The following CAMK2D variants were observed in gnomAD, a reference collection of about 807,000 sequenced individuals.
The protein encoded by CAMK2D is calcium/calmodulin dependent protein kinase II delta, also known as calcium/calmodulin-dependent protein kinase type II subunit delta.
A neutral mutation model predicts 84.0 loss-of-function variants in CAMK2D; 37 were observed. That is an observed-to-expected ratio of 0.44 (90% confidence interval 0.34 to 0.58). CAMK2D has a LOEUF of 0.58. CAMK2D is among the 20% of genes least tolerant of loss of function. The pLI is 0.02. For synonymous variants in CAMK2D, 202 were observed against 212.5 expected, an observed-to-expected ratio of 0.95 and a Z score of 0.43; for missense variants, 448 against 652.5, an observed-to-expected ratio of 0.69 and a Z score of 3.41.
intron 4 of CAMK2D, among the ~76,000 whole-genome samples, chr4:113,556,000 C>T (rs552634116): frequency 4.1e-4 from 62 of 152,230 alleles, no homozygotes; most frequent in Admixed American, 5.2e-4. Flanking sequence ...AACCAGACCA[C>T]GCTGGCACGC....
At chr4:113,648,589 G>C (rs550702057) in intron 3 of CAMK2D, among the ~76,000 whole-genome samples, 1 of 152,366 alleles carries the variant, frequency 6.6e-6, no homozygotes, top group South Asian at 2.1e-4. Context: ...CTTTACTTTA[G>C]TGGACAGAAT....
intron 14 of CAMK2D, chr4:113,503,185 A>G (rs776430841): frequency 2.6e-5 from 19 of 727,900 alleles, no homozygotes; most frequent in Non-Finnish European, 4.5e-5. Context: ...CTCCCTACCC[A>G]GAAGCAGCAT....
intron 4 of CAMK2D, among the ~76,000 whole-genome samples, chr4:113,606,239 G>A (rs1241299764): frequency 2.0e-5 from 3 of 152,114 alleles, no homozygotes; most frequent in African/African-American, 7.2e-5. Context: ...GGGAGGCAGA[G>A]GCAGGCAGAT....
intron 2 of CAMK2D, among the ~76,000 whole-genome samples, chr4:113,724,516 C>T (rs2148672835): frequency 6.6e-6 from 1 of 151,712 alleles, no homozygotes; most frequent in South Asian, 2.1e-4. Flanking sequence ...CGAGCATTTA[C>T]TGCCAGCCAG....
intron 3 of CAMK2D, among the ~76,000 whole-genome samples, chr4:113,622,644 G>A (rs897714738): frequency 1.3e-5 from 2 of 152,138 alleles, no homozygotes; most frequent in African/African-American, 4.8e-5. Flanking sequence ...CATGCCTTTG[G>A]TTTCAGCTAC....
intron 17 of CAMK2D, among the ~76,000 whole-genome samples, chr4:113,463,408 C>T (rs1178503216): frequency 1.3e-5 from 2 of 152,050 alleles, no homozygotes; most frequent in African/African-American, 4.8e-5. Flanking sequence ...AAGAGTTTCA[C>T]TCTTGTTGCC....
At chr4:113,663,425 A>G (rs1173460053) in intron 2 of CAMK2D, among the ~76,000 whole-genome samples, 1 of 151,692 alleles carries the variant, frequency 6.6e-6, no homozygotes, top group Non-Finnish European at 1.5e-5. Flanking sequence ...ATCTCTACCA[A>G]AAAAAACACA....
chr4:113,607,314 A>G lies in CAMK2D; in HGVS notation c.275+1838T>C, dbSNP rs999937110. On this transcript the variant is annotated intron_variant, in intron 4 of 20. Coordinates refer to ENST00000511664, the MANE Select transcript of CAMK2D (RefSeq NM_001321571.2). ...ACATGGATGAACTGGGACTGTGGAG[A>G]GGAGCCTGTGCAGTAGGATTGTGCA... 2.0e-5 allele frequency among the ~76,000 whole-genome samples: 3 copies of G among 152,186 alleles called. 1 individual carries two copies. The East Asian group carries it at 5.8e-4, about 29-fold the overall frequency.
intron 13 of CAMK2D, among the ~76,000 whole-genome samples, chr4:113,505,273 A>G (rs1387439187): frequency 6.6e-6 from 1 of 152,210 alleles, no homozygotes; most frequent in African/African-American, 2.4e-5. Flanking sequence ...TGCTGTTGCT[A>G]TGCCACCTTA....
intron 2 of CAMK2D, chr4:113,677,554 G>A (rs2099323636): frequency 1.0e-6 from 1 of 981,806 alleles, no homozygotes; most frequent in South Asian, 4.7e-5. Context: ...CAGACATGAG[G>A]ATAATCTGTC....
At chr4:113,656,733 T>G (rs7691921) in intron 3 of CAMK2D, among the ~76,000 whole-genome samples, 2 of 152,038 alleles carry the variant, frequency 1.3e-5, no homozygotes, top group African/African-American at 4.8e-5. Flanking sequence ...CTCTTTTCTC[T>G]TTTTCATGAT....
intron 2 of CAMK2D, among the ~76,000 whole-genome samples, chr4:113,684,916 A>ACAGGC (rs1231875920): frequency 6.6e-6 from 1 of 152,218 alleles, no homozygotes; most frequent in African/African-American, 2.4e-5. Flanking sequence ...GAGGCAGTGC[A>ACAGGC]TTCCCTGAGG....
At chr4:113,586,614 G>A (rs1184467794) in intron 4 of CAMK2D, among the ~76,000 whole-genome samples, 3 of 152,152 alleles carry the variant, frequency 2.0e-5, no homozygotes, top group Non-Finnish European at 4.4e-5. Context: ...GAACAACCTA[G>A]GTTGTGAGGC....
chr4:113,576,865 C>T (rs906814820), intron 4 of CAMK2D, among the ~76,000 whole-genome samples: 4 of 152,086 alleles, frequency 2.6e-5, no homozygotes, highest in African/African-American at 9.7e-5. Context: ...TAATTCCCCT[C>T]CCTCATTTCC....
At chr4:113,495,101 C>T (rs2097910672) in intron 16 of CAMK2D, among the ~76,000 whole-genome samples, 1 of 152,208 alleles carries the variant, frequency 6.6e-6, no homozygotes, top group African/African-American at 2.4e-5. Flanking sequence ...CACCCGTCTT[C>T]TGCGTCGCTC....
chr4:113,680,676 A>C (rs1460484373), intron 2 of CAMK2D, among the ~76,000 whole-genome samples: 26 of 152,218 alleles, frequency 1.7e-4, no homozygotes, highest in Non-Finnish European at 4.4e-5. Context: ...AGATGAGGAC[A>C]CTGAGGCACA....
At chr4:113,623,986 A>G (rs1035205465) in intron 3 of CAMK2D, among the ~76,000 whole-genome samples, 32 of 152,088 alleles carry the variant, frequency 2.1e-4, no homozygotes, top group African/African-American at 7.7e-4. Flanking sequence ...CTGATAATCT[A>G]TTGTTTCTGA....
intron 3 of CAMK2D, among the ~76,000 whole-genome samples, chr4:113,639,079 C>CAAAAA: frequency 7.7e-6 from 1 of 130,308 alleles, no homozygotes; most frequent in African/African-American, 3.3e-5. Flanking sequence ...TTTGCCTCTA[C>CAAAAA]CAAAAAAAAA....
intron 4 of CAMK2D, among the ~76,000 whole-genome samples, chr4:113,561,623 C>T (rs1201653467): frequency 1.3e-5 from 2 of 152,180 alleles, no homozygotes; most frequent in African/African-American, 4.8e-5. Context: ...TGAATAAAGG[C>T]TTAAGTCAAT....
Sources: allele counts gnomAD v4.1 joint callset (sites outside exome capture counted in the v4.1 genomes callset), GRCh38; gene constraint gnomAD v4.1.1; transcripts MANE v1.5; gene names NCBI Gene and HGNC (gene_info 2026-07-23, HGNC 2026-07-21).